TGFBR3: variants seen among roughly 807,000 people sequenced by gnomAD.
TGFBR3 encodes the protein transforming growth factor beta receptor type 3.
A neutral mutation model predicts 87.9 loss-of-function variants in TGFBR3; 46 were observed. The observed-to-expected ratio is 0.52, with a 90% CI of 0.41 to 0.67. TGFBR3 has a LOEUF of 0.67. TGFBR3 is among the 30% of genes least tolerant of loss of function. The probability of loss-of-function intolerance (pLI) is 0.00; values close to 1 mark genes in which losing one functional copy is unlikely to be tolerated. For missense variants in TGFBR3, 866 were observed against 1,041.9 expected, an observed-to-expected ratio of 0.83 and a Z score of 2.32; for synonymous variants, 381 against 391.6, an observed-to-expected ratio of 0.97 and a Z score of 0.32.
intron 14 of TGFBR3, among the ~76,000 whole-genome samples, chr1:91,701,942 G>T (rs1671633334): frequency 6.6e-6 from 1 of 152,234 alleles, no homozygotes; most frequent in Middle Eastern, 3.4e-3. Flanking sequence ...GCAATTACTT[G>T]TTCACTTATC....
intron 1 of TGFBR3, among the ~76,000 whole-genome samples, chr1:91,880,501 G>A (rs2101284416): frequency 6.6e-6 from 1 of 152,182 alleles, no homozygotes; most frequent in Middle Eastern, 3.4e-3. Flanking sequence ...GGGAGACTGA[G>A]GCAAGAGAAT....
intron 13 of TGFBR3, among the ~76,000 whole-genome samples, chr1:91,709,356 A>G (rs1671900584): frequency 6.6e-6 from 1 of 152,258 alleles, no homozygotes; most frequent in Non-Finnish European, 1.5e-5. Flanking sequence ...ATCATGTAAC[A>G]CAAAGCTTAT....
chr1:91,785,422 G>C (rs1483052575), intron 3 of TGFBR3, among the ~76,000 whole-genome samples: 1 of 152,168 alleles, frequency 6.6e-6, no homozygotes, highest in Non-Finnish European at 1.5e-5. Flanking sequence ...TGGGCCACTG[G>C]TTGCACATTT....
chr1:91,718,745 T>C (rs995289082), intron 10 of TGFBR3, among the ~76,000 whole-genome samples: 1 of 152,212 alleles, frequency 6.6e-6, no homozygotes, highest in Admixed American at 6.5e-5. Context: ...GGAATCTTTC[T>C]CCAAGTAACT....
At chr1:91,878,524 A>C (rs1678947247) in intron 1 of TGFBR3, among the ~76,000 whole-genome samples, 1 of 152,218 alleles carries the variant, frequency 6.6e-6, no homozygotes, top group African/African-American at 2.4e-5. Context: ...ATACAAATTT[A>C]AAAAGAAATC....
intron 14 of TGFBR3, among the ~76,000 whole-genome samples, chr1:91,706,478 A>G (rs890269568): frequency 5.9e-5 from 9 of 152,134 alleles, no homozygotes; most frequent in African/African-American, 2.2e-4. Context: ...CAGTTGACAA[A>G]TGTCATAGCA....
intron 3 of TGFBR3, among the ~76,000 whole-genome samples, chr1:91,767,937 G>A (rs1674236512): frequency 6.6e-6 from 1 of 151,950 alleles, no homozygotes; most frequent in South Asian, 2.1e-4. Flanking sequence ...TGTTGGCCGG[G>A]TGCAGTGACT....
intron 15 of TGFBR3, among the ~76,000 whole-genome samples, chr1:91,697,238 G>A (rs564337981): frequency 6.6e-6 from 1 of 152,260 alleles, no homozygotes; most frequent in Admixed American, 6.5e-5. Flanking sequence ...GTGTCCATAT[G>A]TGCCTCTGTT....
At chr1:91,769,520 C>T (rs1256911018) in intron 3 of TGFBR3, among the ~76,000 whole-genome samples, 1 of 152,174 alleles carries the variant, frequency 6.6e-6, no homozygotes, top group Non-Finnish European at 1.5e-5. Context: ...CCAAAGCTTA[C>T]TCACAGCACT....
At chr1:91,748,004 T>TCCTGGGAATGGCTGGTGCAAG (rs1423575895) in intron 4 of TGFBR3, among the ~76,000 whole-genome samples, 1 of 152,198 alleles carries the variant, frequency 6.6e-6, no homozygotes. Flanking sequence ...GACTGATAGC[T>TCCTGGGAATGGCTGGTGCAAG]CCTGGGAATG....
At chr1:91,858,446 C>T (rs1180198698) in intron 2 of TGFBR3, among the ~76,000 whole-genome samples, 1 of 151,818 alleles carries the variant, frequency 6.6e-6, no homozygotes, top group Non-Finnish European at 1.5e-5. Context: ...GAAACCCCAT[C>T]TCTACTAAAA....
At chr1:91,692,952 T>C (rs539188941) in intron 16 of TGFBR3, among the ~76,000 whole-genome samples, 6 of 152,322 alleles carry the variant, frequency 3.9e-5, no homozygotes, top group African/African-American at 1.4e-4. Context: ...AACCCCCAAA[T>C]ACAGCATATA....
chr1:91,849,668 T>C (rs1355820154), intron 2 of TGFBR3, among the ~76,000 whole-genome samples: 3 of 152,244 alleles, frequency 2.0e-5, no homozygotes, highest in African/African-American at 7.2e-5. Flanking sequence ...ACAAGGATTT[T>C]TATCTGTTTT....
intron 2 of TGFBR3, among the ~76,000 whole-genome samples, chr1:91,800,354 GTA>G (rs1553168330): frequency 7.2e-4 from 107 of 147,772 alleles, no homozygotes; most frequent in Middle Eastern, 3.6e-3. Flanking sequence ...GTGTGTGTGT[GTA>G]TATAAAAGCA....
At chr1:91,686,463 GTC>G (rs142625361) in intron 16 of TGFBR3, among the ~76,000 whole-genome samples, 4,074 of 152,276 alleles carry the variant, frequency 0.027, 159 homozygotes, top group East Asian at 0.19. Context: ...GCCAAGGTGA[GTC>G]TCTGTCTGAG....
chr1:91,844,097 A>G (rs1407920818), intron 2 of TGFBR3, among the ~76,000 whole-genome samples: 1 of 152,228 alleles, frequency 6.6e-6, no homozygotes, highest in East Asian at 1.9e-4. Context: ...CCAAAGGAAC[A>G]AGGATATTCA....
chr1:91,777,696 T>G (rs1674614630), intron 3 of TGFBR3, among the ~76,000 whole-genome samples: 1 of 152,116 alleles, frequency 6.6e-6, no homozygotes, highest in African/African-American at 2.4e-5. Context: ...TTACATCTAT[T>G]TGGTTAAGTT....
At chr1:91,863,340 T>G (rs1428233956) in intron 1 of TGFBR3, among the ~76,000 whole-genome samples, 1 of 152,220 alleles carries the variant, frequency 6.6e-6, no homozygotes. Context: ...AGATTAAAAA[T>G]CTGCCTGGGT....
At chr1:91,695,806 C>T in intron 15 of TGFBR3, 27 bp from the exon 16 acceptor site, 1 of 1,598,538 alleles carries the variant, frequency 6.3e-7, no homozygotes, top group African/African-American at 1.3e-5. Flanking sequence ...CCGATACACA[C>T]AACTTTTTGG....
Sources: allele counts gnomAD v4.1 joint callset (sites outside exome capture counted in the v4.1 genomes callset), GRCh38; gene constraint gnomAD v4.1.1; transcripts MANE v1.5; gene names NCBI Gene and HGNC (gene_info 2026-07-23, HGNC 2026-07-21).